CCDC30: variants seen among roughly 807,000 people sequenced by gnomAD.
The protein encoded by CCDC30 is coiled-coil domain-containing protein 30.
In CCDC30, 70 loss-of-function variants were observed where a neutral mutation model predicts 100.2. That is an observed-to-expected ratio of 0.70 (90% CI 0.58 to 0.85). The LOEUF is 0.85. Among genes scored for constraint, CCDC30 ranks in the 40% least tolerant of loss-of-function variants. CCDC30 has a pLI of 0.00. For synonymous variants in CCDC30, 233 were observed against 269.5 expected (o/e 0.86, Z 1.33); for missense variants, 652 against 771.2 (o/e 0.85, Z 1.83).
chr1:42,544,049 A>G (rs902858294), intron 6 of CCDC30, among the ~76,000 whole-genome samples: 1 of 151,944 alleles, frequency 6.6e-6, no homozygotes, highest in Non-Finnish European at 1.5e-5. Context: ...TTTTTATTCC[A>G]TTCTATTTGT....
At chr1:42,577,354 C>G in intron 8 of CCDC30, 125 bp downstream of exon 12, 1 of 687,862 alleles carries the variant, frequency 1.5e-6, no homozygotes, top group East Asian at 2.7e-5. Context: ...TTTTTTCTCT[C>G]CCATGTTTTC....
intron 6 of CCDC30, among the ~76,000 whole-genome samples, chr1:42,553,003 C>T (rs1645286101): frequency 6.6e-6 from 1 of 152,114 alleles, no homozygotes; most frequent in African/African-American, 2.4e-5. Flanking sequence ...GAATTGGAAT[C>T]CCTTATTACA....
At chr1:42,537,623 T>C in intron 6 of CCDC30, 1 of 264,776 alleles carries the variant, frequency 3.8e-6, no homozygotes, top group South Asian at 4.0e-5. Flanking sequence ...CCCAAAGTCT[T>C]CCACCAGTCA....
At chr1:42,492,681 G>A (rs546676347) in intron 4 of CCDC30, among the ~76,000 whole-genome samples, 5 of 151,860 alleles carry the variant, frequency 3.3e-5, no homozygotes, top group African/African-American at 4.8e-5. Context: ...GGATTCTCAC[G>A]TTGTCGCCCA....
chr1:42,540,653 A>T (rs940700683), intron 6 of CCDC30, among the ~76,000 whole-genome samples: 1 of 131,568 alleles, frequency 7.6e-6, no homozygotes, highest in Non-Finnish European at 1.6e-5. Flanking sequence ...TTCCCTCTAC[A>T]CACACACACA....
chr1:42,476,709 A>G (rs1368400201), intron 1 of CCDC30, among the ~76,000 whole-genome samples: 1 of 92,850 alleles, frequency 1.1e-5, no homozygotes, highest in African/African-American at 3.5e-5. Flanking sequence ...AAAAAAGATA[A>G]AAAAATTAGG....
chr1:42,572,654 T>C (rs914077559), intron 7 of CCDC30, among the ~76,000 whole-genome samples: 1 of 152,182 alleles, frequency 6.6e-6, no homozygotes, highest in Non-Finnish European at 1.5e-5. Context: ...TCTCACTCTG[T>C]CACACAGCCT....
intron 4 of CCDC30, chr1:42,491,895 C>A: frequency 2.1e-6 from 1 of 465,218 alleles, no homozygotes; most frequent in South Asian, 3.2e-5. Context: ...CACCAGGACT[C>A]GAGGAACCAA....
intron 6 of CCDC30, among the ~76,000 whole-genome samples, chr1:42,520,335 C>A (rs1644618707): frequency 6.7e-6 from 1 of 149,714 alleles, no homozygotes; most frequent in Admixed American, 6.8e-5. Context: ...TCTTTCTTTT[C>A]TCTTTTTTTT....
chr1:42,526,374 A>AT (rs1309642434), intron 6 of CCDC30, among the ~76,000 whole-genome samples: 3 of 150,710 alleles, frequency 2.0e-5, no homozygotes, highest in Non-Finnish European at 4.4e-5. Flanking sequence ...TTTCATGTCT[A>AT]TTTTTTTGTT....
At chr1:42,602,036 G>A (rs1646413619) in intron 10 of CCDC30, among the ~76,000 whole-genome samples, 1 of 152,090 alleles carries the variant, frequency 6.6e-6, no homozygotes, top group Non-Finnish European at 1.5e-5. Context: ...TGCATTTGCT[G>A]AACTGAAAAA....
chr1:42,636,896 G>A (rs112653757), intron 11 of CCDC30, among the ~76,000 whole-genome samples: 23,091 of 148,388 alleles, frequency 0.16, 1,996 homozygotes, highest in South Asian at 0.31. Flanking sequence ...AACCCAGGAG[G>A]TGGAGGTTGC....
chr1:42,521,112 T>A (rs1644637440), intron 6 of CCDC30: 1 of 149,596 alleles, frequency 6.7e-6, no homozygotes, highest in African/African-American at 2.5e-5. Flanking sequence ...TAGCTGGGAC[T>A]ACAGGCGCCC....
chr1:42,628,089 G>A (rs910490808), intron 11 of CCDC30, among the ~76,000 whole-genome samples: 1 of 152,228 alleles, frequency 6.6e-6, no homozygotes, highest in Non-Finnish European at 1.5e-5. Flanking sequence ...CCACAGGGAT[G>A]GAACTGCACA....
rs149963656 is a variant in CCDC30, at chr1:42,627,156, A to T, written c.1278-10081A>T. 3.6e-3 allele frequency among the ~76,000 whole-genome samples: 555 copies of T among 152,292 alleles called. 3 individuals are homozygous for T. The highest frequency in any genetic ancestry group is 0.013 in the African/African-American group (527 of 41,560). On this transcript the variant is annotated intron_variant, in intron 11 of 16. Coordinates refer to ENST00000668663, the Ensembl canonical transcript of CCDC30. ...CAGGCTGAGATGGTCTCAGATGGAG[A>T]TGAGGAACTTGTTGGGAACTGGAGC... is the stretch of plus-strand genomic sequence containing the variant.
intron 6 of CCDC30, chr1:42,537,708 G>A (rs1374826015): frequency 2.3e-5 from 4 of 173,606 alleles, no homozygotes; most frequent in South Asian, 1.2e-4. Flanking sequence ...GGTGGCTCAC[G>A]CTTGTAATCC....
At chr1:42,562,621 C>G (rs778535416) in intron 6 of CCDC30, among the ~76,000 whole-genome samples, 5 of 152,102 alleles carry the variant, frequency 3.3e-5, no homozygotes, top group Non-Finnish European at 7.4e-5. Flanking sequence ...TCTAATTAAA[C>G]TAAAGAGCTT....
At position 42,503,462 on chromosome 1, in the gene CCDC30, C is replaced by T. The variant is rs532201778; in HGVS notation, c.456+4546C>T. 8.5e-5 allele frequency among the ~76,000 whole-genome samples: 13 copies of T among 152,200 alleles called. No individual in the cohort carries two copies. In the South Asian group the frequency reaches 2.5e-3, roughly 29 times the overall value. ...TACAGATTGGTTCAACTAGGTGTGACGTTTACATAGCATGTGGGGAAGGCT... is the reference window on the plus strand; with the variant it reads ...TACAGATTGGTTCAACTAGGTGTGATGTTTACATAGCATGTGGGGAAGGCT... On this transcript the variant is annotated intron_variant, in intron 6 of 16. Coordinates refer to ENST00000668663, the Ensembl canonical transcript of CCDC30.
chr1:42,553,798 A>G (rs914548164), intron 6 of CCDC30, among the ~76,000 whole-genome samples: 1 of 152,218 alleles, frequency 6.6e-6, no homozygotes, highest in East Asian at 1.9e-4. Flanking sequence ...GTTGTTTTAT[A>G]AAAATTTTTA....
Sources: allele counts gnomAD v4.1 joint callset (sites outside exome capture counted in the v4.1 genomes callset), GRCh38; gene constraint gnomAD v4.1.1; transcripts MANE v1.5; gene names NCBI Gene and HGNC (gene_info 2026-07-23, HGNC 2026-07-21).